LCORL: variants seen among roughly 807,000 people sequenced by gnomAD.
LCORL encodes the protein ligand dependent nuclear receptor corepressor like.
Under a neutral mutation model 141.8 loss-of-function variants are expected in LCORL, and 41 were observed. That is an observed-to-expected ratio of 0.29 (90% CI 0.23 to 0.38). The LOEUF is 0.38. LCORL is among the 10% of genes least tolerant of loss of function. The pLI, the probability that LCORL is intolerant of heterozygous loss-of-function variation, is 1.00. For synonymous variants in LCORL, 618 were observed against 694.1 expected (o/e 0.89, Z 1.72); for missense variants, 1,759 against 2,035.0 (o/e 0.86, Z 2.61).
intron 4 of LCORL, chr4:17,912,696 A>C: frequency 7.6e-6 from 3 of 392,670 alleles, no homozygotes; most frequent in South Asian, 6.1e-5. Context: ...TATGCCCTGC[A>C]GATGGAGTAG....
chr4:17,944,631 C>T (rs970945352), intron 4 of LCORL, among the ~76,000 whole-genome samples: 2 of 152,110 alleles, frequency 1.3e-5, no homozygotes, highest in African/African-American at 4.8e-5. Context: ...ATTTTCCTAG[C>T]CCCAGCCATG....
At chr4:17,865,979 C>T (rs146898962) in intron 7 of LCORL, among the ~76,000 whole-genome samples, 28 of 152,314 alleles carry the variant, frequency 1.8e-4, no homozygotes, top group Non-Finnish European at 3.1e-4. Context: ...TTTAAATCTC[C>T]GCCCTAAGTG....
At chr4:17,910,426 G>T (rs1464938862) in intron 4 of LCORL, among the ~76,000 whole-genome samples, 1 of 152,100 alleles carries the variant, frequency 6.6e-6, no homozygotes, top group African/African-American at 2.4e-5. Context: ...GGGCCTACTT[G>T]TAGAGATACT....
chr4:17,851,488 A>G (rs917750116), intron 7 of LCORL, among the ~76,000 whole-genome samples: 17 of 152,206 alleles, frequency 1.1e-4, no homozygotes, highest in African/African-American at 4.1e-4. Flanking sequence ...TTGCTTTAAA[A>G]TATGTATTTT....
rs1457900037 is a variant in LCORL at position 17,955,973 on chromosome 4, T to A, written c.430+5930A>T. Among the ~76,000 whole-genome samples the A allele has an allele frequency of 2.0e-5, 3 of 151,792 alleles. No individual in the cohort carries two copies. The East Asian group carries it at 5.8e-4, about 29-fold the overall frequency. On this transcript the variant is annotated intron_variant, in intron 4 of 7. Transcript: ENST00000635767. ...AAAGACTGGATACCTGCATAAATAATCCCATTAAAAAGTGGGCAAATGACC... is the reference window on the plus strand; with the variant it reads ...AAAGACTGGATACCTGCATAAATAAACCCATTAAAAAGTGGGCAAATGACC...
At chr4:17,858,755 A>ATAG (rs1724656887) in intron 7 of LCORL, among the ~76,000 whole-genome samples, 1 of 151,494 alleles carries the variant, frequency 6.6e-6, no homozygotes, top group Admixed American at 6.6e-5. Context: ...AATAATAATA[A>ATAG]TAGCTAAAAA....
At chr4:17,972,948 G>T in intron 1 of LCORL, 63 bp from the exon 2 acceptor site, 1 of 715,524 alleles carries the variant, frequency 1.4e-6, no homozygotes, top group Non-Finnish European at 2.1e-6. Flanking sequence ...ACAATTTAAA[G>T]TCATAAACTC....
At chr4:17,897,067 G>A (rs1265033572) in intron 5 of LCORL, among the ~76,000 whole-genome samples, 1 of 151,998 alleles carries the variant, frequency 6.6e-6, no homozygotes, top group Non-Finnish European at 1.5e-5. Context: ...TTTTATGGCT[G>A]AATAGCACTC....
intron 7 of LCORL, among the ~76,000 whole-genome samples, chr4:17,866,570 C>T (rs1213696934): frequency 1.3e-5 from 2 of 151,922 alleles, no homozygotes; most frequent in Non-Finnish European, 2.9e-5. Context: ...CAAATAAATG[C>T]ATTTTCCAGG....
intron 4 of LCORL, among the ~76,000 whole-genome samples, chr4:17,914,931 A>G (rs967706020): frequency 1.3e-5 from 2 of 152,156 alleles, no homozygotes; most frequent in Non-Finnish European, 2.9e-5. Flanking sequence ...TCCATGTTGT[A>G]TCATGGGTGG....
At chr4:17,965,455 T>C (rs945977551) in intron 2 of LCORL, among the ~76,000 whole-genome samples, 1 of 152,110 alleles carries the variant, frequency 6.6e-6, no homozygotes, top group African/African-American at 2.4e-5. Flanking sequence ...AAAGATGTTA[T>C]CTCTCTTTTT....
At chr4:17,912,055 G>A (rs566389859) in intron 4 of LCORL, 477 of 689,830 alleles carry the variant, frequency 6.9e-4, no homozygotes, top group Non-Finnish European at 1.1e-3. Context: ...GGAGAAGAAG[G>A]GACCCCAGGT....
At chr4:17,892,490 A>ACTT (rs1729265505) in intron 5 of LCORL, among the ~76,000 whole-genome samples, 1 of 152,106 alleles carries the variant, frequency 6.6e-6, no homozygotes, top group Non-Finnish European at 1.5e-5. Context: ...GATTACAGGC[A>ACTT]TGAACCACCA....
intron 7 of LCORL, among the ~76,000 whole-genome samples, chr4:17,870,331 T>C (rs1726196598): frequency 6.6e-6 from 1 of 152,094 alleles, no homozygotes; most frequent in South Asian, 2.1e-4. Flanking sequence ...TGCTCTCTTT[T>C]GTCATCCAAA....
At position 17,883,058 on chromosome 4, in the gene LCORL, C is replaced by A. The variant is rs922563846; in HGVS notation, c.776+3010G>T. ...TTTTTTAAAGTATATACCTTATAAA[C>A]CCCAACTTCTTGCTAAATCAACTAT... On this transcript the variant is annotated intron_variant, in intron 6 of 7. Coordinates refer to ENST00000635767, the Ensembl canonical transcript of LCORL. 3.1e-6 allele frequency: 3 copies of A among 977,038 alleles called. No individual in the cohort carries two copies. In the African/African-American group the frequency reaches 5.3e-5, roughly 17 times the overall value. 60.5% of individuals were successfully genotyped at this position (977,038 alleles called of 1,614,324 possible).
chr4:17,852,519 CAT>C (rs1306536587), intron 7 of LCORL, among the ~76,000 whole-genome samples: 4 of 152,078 alleles, frequency 2.6e-5, no homozygotes, highest in African/African-American at 7.2e-5. Flanking sequence ...AGTTTTGCCG[CAT>C]GTTTTGGTGA....
intron 4 of LCORL, among the ~76,000 whole-genome samples, chr4:17,924,015 A>C (rs527883826): frequency 8.6e-5 from 13 of 151,842 alleles, no homozygotes; most frequent in African/African-American, 3.1e-4. Context: ...TTTTCTTTGA[A>C]GGAGAAATGG....
chr4:17,856,297 T>C (rs894719577), intron 7 of LCORL, among the ~76,000 whole-genome samples: 5 of 152,232 alleles, frequency 3.3e-5, no homozygotes, highest in African/African-American at 1.2e-4. Flanking sequence ...TATTTGGGGA[T>C]AGGACCTTTA....
At chr4:17,927,352 C>G (rs1009156912) in intron 4 of LCORL, among the ~76,000 whole-genome samples, 3 of 152,216 alleles carry the variant, frequency 2.0e-5, no homozygotes, top group African/African-American at 7.2e-5. Flanking sequence ...CAAACTTTCT[C>G]CCTATCAGCA....
Sources: allele counts gnomAD v4.1 joint callset (sites outside exome capture counted in the v4.1 genomes callset), GRCh38; gene constraint gnomAD v4.1.1; transcripts MANE v1.5; gene names NCBI Gene and HGNC (gene_info 2026-07-23, HGNC 2026-07-21).